Variants in NIPAL2 observed in about 807,000 individuals in gnomAD.
NIPAL2 encodes the protein NIPA like domain containing 2, also known as NIPA-like protein 2.
NIPAL2 carries 43 observed loss-of-function variants against 48.9 expected under a neutral mutation model. The observed-to-expected ratio is 0.88, with a 90% CI of 0.69 to 1.13. The LOEUF is 1.13. NIPAL2 is among the 50% of genes most tolerant of loss of function. NIPAL2 has a pLI of 0.00. For missense variants in NIPAL2, 446 were observed against 461.4 expected, an observed-to-expected ratio of 0.97 and a Z score of 0.31; for synonymous variants, 167 against 174.6, an observed-to-expected ratio of 0.96 and a Z score of 0.34.
intron 1 of NIPAL2, among the ~76,000 whole-genome samples, chr8:98,287,213 G>T (rs918807094): frequency 5.9e-5 from 9 of 152,146 alleles, no homozygotes; most frequent in South Asian, 2.1e-4. Context: ...TACAGTCAGG[G>T]TCTATGAAAT....
chr8:98,215,042 T>A (rs1196873115), intron 5 of NIPAL2, among the ~76,000 whole-genome samples: 2 of 152,218 alleles, frequency 1.3e-5, no homozygotes, highest in Non-Finnish European at 2.9e-5. Flanking sequence ...TTATAGACAA[T>A]TCACAGCAGC....
intron 3 of NIPAL2, among the ~76,000 whole-genome samples, chr8:98,240,745 C>T (rs948882324): frequency 2.6e-5 from 4 of 152,180 alleles, no homozygotes; most frequent in African/African-American, 7.2e-5. Context: ...AAAGACTTCC[C>T]TACTGTTTTG....
chr8:98,282,506 G>GT (rs1815896175), intron 1 of NIPAL2, among the ~76,000 whole-genome samples: 4 of 151,834 alleles, frequency 2.6e-5, no homozygotes, highest in African/African-American at 9.7e-5. Flanking sequence ...ATTAAAACAG[G>GT]GTCCTAAAGA....
At chr8:98,220,189 T>C (rs1010127698) in intron 5 of NIPAL2, among the ~76,000 whole-genome samples, 1 of 152,152 alleles carries the variant, frequency 6.6e-6, no homozygotes, top group Non-Finnish European at 1.5e-5. Context: ...GCAGGATATA[T>C]AGAATTCTTG....
chr8:98,205,347 G>A, intron 6 of NIPAL2, 101 bp from the exon 7 acceptor site: 1 of 1,042,966 alleles, frequency 9.6e-7, no homozygotes, highest in Non-Finnish European at 1.4e-6. Flanking sequence ...ACCAATTATG[G>A]TTTAAGAATG....
intron 1 of NIPAL2, among the ~76,000 whole-genome samples, chr8:98,271,274 G>C (rs1815107257): frequency 6.6e-6 from 1 of 152,116 alleles, no homozygotes. Flanking sequence ...AGAATCTATA[G>C]ATTGCTTTGG....
intron 4 of NIPAL2, 52 bp from the exon 5 acceptor site, chr8:98,222,652 T>C: frequency 6.3e-7 from 1 of 1,581,152 alleles, no homozygotes; most frequent in Non-Finnish European, 8.7e-7. Flanking sequence ...CTAAAGCTTT[T>C]GTTGACGCAG....
intron 1 of NIPAL2, among the ~76,000 whole-genome samples, chr8:98,266,026 G>A (rs1387923656): frequency 4.9e-4 from 74 of 149,938 alleles, no homozygotes; most frequent in East Asian, 2.4e-3. Flanking sequence ...GTAAACTATC[G>A]CAAGAACAAA....
At chr8:98,261,874 G>T (rs1325293052) in intron 1 of NIPAL2, among the ~76,000 whole-genome samples, 1 of 114,114 alleles carries the variant, frequency 8.8e-6, no homozygotes, top group East Asian at 2.5e-4. Context: ...AGGGCAGCCA[G>T]AGAGAAAGGT....
chr8:98,233,087 G>A (rs1199112188), intron 4 of NIPAL2, among the ~76,000 whole-genome samples: 3 of 152,012 alleles, frequency 2.0e-5, no homozygotes, highest in Admixed American at 6.6e-5. Flanking sequence ...GTGAAGCCCT[G>A]TCTCTACTAA....
intron 9 of NIPAL2, 107 bp from the exon 10 acceptor site, chr8:98,194,929 G>T: frequency 1.7e-6 from 1 of 576,992 alleles, no homozygotes. Flanking sequence ...CATTGGTTTT[G>T]TTCTTCCAGT....
rs1029283779 is a variant in NIPAL2, at chr8:98,217,132, G to A, written c.559-4631C>T. The A allele has an allele frequency of 1.8e-5, 18 of 985,454 alleles. No homozygotes were observed. In the East Asian group the frequency reaches 1.5e-3, roughly 81 times the overall value. 61.0% of individuals were successfully genotyped at this position (985,454 alleles called of 1,614,324 possible). On this transcript the variant is annotated intron_variant, in intron 5 of 10. Transcript: ENST00000430223. Reference sequence around the variant, plus strand: ...AGACAGGCTGGGAAAGGCTGTTTTAGTGAGTGCACTTTATTCTTCTCTGGC... The same window carrying A: ...AGACAGGCTGGGAAAGGCTGTTTTAATGAGTGCACTTTATTCTTCTCTGGC...
intron 1 of NIPAL2, among the ~76,000 whole-genome samples, chr8:98,285,362 A>G (rs963238158): frequency 3.9e-5 from 6 of 152,218 alleles, no homozygotes; most frequent in Non-Finnish European, 8.8e-5. Flanking sequence ...AAGGGTGCCC[A>G]TGTGCTTTGG....
rs1810240876 is a variant in NIPAL2, at chr8:98,190,075, T to C, written c.*2903A>G. ...ACAAAAGAACCACTGCCTTTCAACT[T>C]GGACCCTAAGAATGAACTTATCACT... On this transcript the variant is annotated 3_prime_UTR_variant, in exon 11 of 11. Transcript: ENST00000430223. The C allele has an allele frequency of 6.6e-6, 1 of 152,250 alleles. No homozygotes were observed. The highest frequency in any genetic ancestry group is 1.5e-5 in the Non-Finnish European group (1 of 68,054). The allele number at this position is 152,250 out of a possible 1,614,324, so 9.4% of individuals were successfully genotyped here. A position where few individuals can be genotyped will look rare whatever the true frequency, so the allele number is the denominator to read the frequency against.
intron 1 of NIPAL2, among the ~76,000 whole-genome samples, chr8:98,280,759 TATAGAGAGAG>T (rs1485757058): frequency 2.2e-4 from 7 of 31,280 alleles, no homozygotes; most frequent in African/African-American, 7.1e-4. Flanking sequence ...TATATATATA[TATAGAGAGAG>T]AGAGAGAGAG....
At chr8:98,281,206 T>C (rs1223594653) in intron 1 of NIPAL2, among the ~76,000 whole-genome samples, 1 of 152,062 alleles carries the variant, frequency 6.6e-6, no homozygotes, top group Non-Finnish European at 1.5e-5. Context: ...CACATCAGGA[T>C]GTTATCCATT....
At chr8:98,250,710 C>T (rs112700318) in intron 3 of NIPAL2, among the ~76,000 whole-genome samples, 2 of 152,270 alleles carry the variant, frequency 1.3e-5, no homozygotes, top group African/African-American at 4.8e-5. Context: ...GCCCATCTGT[C>T]AAGGCAGTGG....
At chr8:98,193,269 T>A (rs1810382612) in intron 10 of NIPAL2, 179 bp from the exon 11 acceptor site, 2 of 1,213,336 alleles carry the variant, frequency 1.6e-6, no homozygotes, top group Non-Finnish European at 2.4e-6. Context: ...TGTCTGTAGC[T>A]ATGTGATAGC....
At chr8:98,223,663 T>C (rs1812011444) in intron 4 of NIPAL2, among the ~76,000 whole-genome samples, 1 of 152,196 alleles carries the variant, frequency 6.6e-6, no homozygotes, top group African/African-American at 2.4e-5. Context: ...CTCTAGTTCC[T>C]GGAAGCAAAT....
Sources: gnomAD v4.1 joint callset for allele counts (sites outside exome capture counted in the v4.1 genomes callset) on GRCh38, gnomAD v4.1.1 for gene constraint, MANE v1.5 for transcripts, NCBI Gene and HGNC (gene_info 2026-07-23, HGNC 2026-07-21) for gene names.